Variants in ASTN2 observed in about 807,000 individuals in gnomAD.
ASTN2 encodes the protein astrotactin-2.
Under a neutral mutation model 139.8 loss-of-function variants are expected in ASTN2, and 54 were observed. The observed-to-expected ratio is 0.39, with a 90% confidence interval of 0.31 to 0.48. The LOEUF (loss-of-function observed/expected upper bound fraction) is 0.48, where lower values mean the gene tolerates loss of function less well. Among genes scored for constraint, ASTN2 ranks in the 20% least tolerant of loss-of-function variants. The pLI, the probability that ASTN2 is intolerant of heterozygous loss-of-function variation, is 0.95. For missense variants in ASTN2, 1,565 were observed against 1,725.1 expected (o/e 0.91, Z 1.64); for synonymous variants, 756 against 719.5 (o/e 1.05, Z -0.81).
intron 10 of ASTN2, among the ~76,000 whole-genome samples, chr9:116,881,090 G>A (rs1000035506): frequency 6.6e-6 from 1 of 152,170 alleles, no homozygotes; most frequent in Non-Finnish European, 1.5e-5. Context: ...AGACAGGATG[G>A]CTGCTAGACG....
At chr9:116,523,682 AAGAGGCTCTGAG>A (rs1374415475) in intron 19 of ASTN2, among the ~76,000 whole-genome samples, 1 of 152,150 alleles carries the variant, frequency 6.6e-6, no homozygotes, top group East Asian at 1.9e-4. Flanking sequence ...TGGGGCAAAG[AAGAGGCTCTGAG>A]GGGATGGCTA....
intron 10 of ASTN2, among the ~76,000 whole-genome samples, chr9:116,936,233 T>TCACCAC (rs1489222846): frequency 1.3e-5 from 1 of 76,818 alleles, no homozygotes; most frequent in Non-Finnish European, 2.8e-5. Flanking sequence ...ACTACCACCA[T>TCACCAC]CACCACCACC....
At chr9:116,856,082 C>T (rs1266823599) in intron 11 of ASTN2, among the ~76,000 whole-genome samples, 5 of 152,158 alleles carry the variant, frequency 3.3e-5, no homozygotes, top group African/African-American at 9.7e-5. Flanking sequence ...CCTGTAAATC[C>T]TGTTTTGCAA....
intron 5 of ASTN2, among the ~76,000 whole-genome samples, chr9:117,051,580 C>T (rs976939858): frequency 1.3e-5 from 2 of 152,152 alleles, no homozygotes; most frequent in Non-Finnish European, 2.9e-5. Flanking sequence ...TAAAAACTGG[C>T]CCCCACCCCT....
At chr9:117,103,176 A>C (rs1829023965) in intron 4 of ASTN2, among the ~76,000 whole-genome samples, 1 of 152,178 alleles carries the variant, frequency 6.6e-6, no homozygotes, top group African/African-American at 2.4e-5. Flanking sequence ...TGCTGTCCCA[A>C]ACACTGTCTA....
intron 1 of ASTN2, among the ~76,000 whole-genome samples, chr9:117,379,350 G>C (rs575149268): frequency 1.3e-5 from 2 of 152,124 alleles, no homozygotes; most frequent in Non-Finnish European, 2.9e-5. Context: ...CTGGTGAGGA[G>C]AGTTACTAAA....
At chr9:116,495,940 C>T (rs1849655557) in intron 19 of ASTN2, among the ~76,000 whole-genome samples, 1 of 152,166 alleles carries the variant, frequency 6.6e-6, no homozygotes, top group Non-Finnish European at 1.5e-5. Flanking sequence ...TCTTCCTCCT[C>T]CTCTAACATG....
Position 116,777,167 on chromosome 9 carries a change from G to T in ASTN2, c.2396+28465C>A, listed in dbSNP as rs886643964. On this transcript the variant is annotated intron_variant, in intron 13 of 22. Coordinates refer to ENST00000313400, the MANE Select transcript of ASTN2 (RefSeq NM_001365068.1). ...GCATGGTACTGCTCCAAGGGTAAGG[G>T]CCAGAGACTCTCACCCCTCTCTCTG... Among the ~76,000 whole-genome samples, 3 of 152,138 alleles carry T rather than the reference G, an allele frequency of 2.0e-5. No individual in the cohort carries two copies. The South Asian group carries it at 6.2e-4, about 32-fold the overall frequency.
chr9:116,697,590 T>G (rs1860930109), intron 16 of ASTN2: 2 of 975,272 alleles, frequency 2.1e-6, no homozygotes, highest in Admixed American at 2.2e-5. Flanking sequence ...ATAGCTATTC[T>G]CTAAATGTTT....
chr9:116,515,759 G>T (rs1370850863), intron 19 of ASTN2, among the ~76,000 whole-genome samples: 1 of 152,186 alleles, frequency 6.6e-6, no homozygotes, highest in African/African-American at 2.4e-5. Flanking sequence ...TTTCATTTAT[G>T]TTGTTAATGA....
intron 5 of ASTN2, among the ~76,000 whole-genome samples, chr9:117,061,154 T>C (rs1023634761): frequency 8.0e-5 from 11 of 137,588 alleles, no homozygotes; most frequent in East Asian, 2.0e-4. Context: ...TTTATTTATT[T>C]ATTTATTTAT....
chr9:117,262,353 C>T (rs141038836), intron 2 of ASTN2, among the ~76,000 whole-genome samples: 14 of 152,246 alleles, frequency 9.2e-5, no homozygotes, highest in African/African-American at 3.1e-4. Flanking sequence ...CTACCTAATA[C>T]TGAATATTCC....
At chr9:116,830,141 A>G (rs951711672) in intron 11 of ASTN2, among the ~76,000 whole-genome samples, 30 of 152,218 alleles carry the variant, frequency 2.0e-4, no homozygotes, top group African/African-American at 7.2e-4. Flanking sequence ...AACAAGCAAA[A>G]ACAAATAACC....
chr9:116,873,051 C>T (rs1243941725), intron 10 of ASTN2, among the ~76,000 whole-genome samples: 1 of 152,146 alleles, frequency 6.6e-6, no homozygotes, highest in African/African-American at 2.4e-5. Context: ...TACACAAATC[C>T]TTATGGCAAT....
In ASTN2 at chr9:116,725,781, C is replaced by T. The variant is rs756013053; in HGVS notation, c.2796G>A (p.Gln932=). The T allele has an allele frequency of 6.2e-7, 1 of 1,613,264 alleles. No individual in the cohort carries two copies. ...GCACTCCGGGCTTACCTTTCTGATA[C>T]TGGAGCCACAGCTGCTGCTGGACCT... The part of the protein sequence containing the change: ...SKKVQQQLWL[Q]YQKETTELGS... The change falls in exon 16 of 23, where the codon CAG becomes CAA. Residue 932 remains glutamine, a synonymous_variant. Transcript: ENST00000313400.
At chr9:116,739,239 T>C (rs1829029483) in intron 13 of ASTN2, among the ~76,000 whole-genome samples, 1 of 152,172 alleles carries the variant, frequency 6.6e-6, no homozygotes, top group Non-Finnish European at 1.5e-5. Flanking sequence ...GATACAGCAG[T>C]GGAAAATCAG....
intron 4 of ASTN2, among the ~76,000 whole-genome samples, chr9:117,129,419 GAAAAT>G (rs1291318544): frequency 6.6e-6 from 1 of 152,048 alleles, no homozygotes; most frequent in Non-Finnish European, 1.5e-5. Flanking sequence ...AGTCATCACT[GAAAAT>G]AAAATAAAAT....
chr9:116,502,762 AGAAG>A (rs34208263), intron 19 of ASTN2, among the ~76,000 whole-genome samples: 8 of 45,872 alleles, frequency 1.7e-4, no homozygotes, highest in African/African-American at 5.1e-4. Flanking sequence ...AAGGAAGGAG[AGAAG>A]GAAGGAAGGA....
chr9:117,334,484 CTTT>C (rs113282368), intron 1 of ASTN2, among the ~76,000 whole-genome samples: 3 of 140,454 alleles, frequency 2.1e-5, no homozygotes, highest in Non-Finnish European at 3.1e-5. Flanking sequence ...TATATCAGGG[CTTT>C]TTTTTTTTTT....
Sources: gnomAD v4.1 joint callset for allele counts (sites outside exome capture counted in the v4.1 genomes callset) on GRCh38, gnomAD v4.1.1 for gene constraint, MANE v1.5 for transcripts, NCBI Gene and HGNC (gene_info 2026-07-23, HGNC 2026-07-21) for gene names.